The following FBRSL1 variants were observed in gnomAD, a reference collection of about 807,000 sequenced individuals.
The protein encoded by FBRSL1 is fibrosin-1-like protein.
A neutral mutation model predicts 89.6 loss-of-function variants in FBRSL1; 51 were observed. The ratio of observed to expected loss-of-function variants is 0.57; its 90% CI spans 0.45 to 0.72. The LOEUF is 0.72. FBRSL1 is among the 30% of genes least tolerant of loss of function. FBRSL1 has a pLI of 0.00. For missense variants in FBRSL1, 1,618 were observed against 1,451.8 expected, an observed-to-expected ratio of 1.11 and a Z score of -1.86; for synonymous variants, 779 against 681.1, an observed-to-expected ratio of 1.14 and a Z score of -2.24.
chr12:132,520,999 TTGCCC>T (rs775237982), intron 2 of FBRSL1, among the ~76,000 whole-genome samples: 117 of 152,208 alleles, frequency 7.7e-4, no homozygotes, highest in Admixed American at 3.3e-3. Flanking sequence ...CACTCCCTCT[TTGCCC>T]TGCCCTGCCC....
chr12:132,509,773 C>T, intron 2 of FBRSL1: 1 of 1,231,264 alleles, frequency 8.1e-7, no homozygotes, highest in Non-Finnish European at 1.0e-6. Context: ...GGTAGGGCAT[C>T]CTCAGGACAG....
At chr12:132,529,121 G>T (rs1194634991) in intron 4 of FBRSL1, among the ~76,000 whole-genome samples, 1 of 152,180 alleles carries the variant, frequency 6.6e-6, no homozygotes, top group East Asian at 1.9e-4. Flanking sequence ...CTCGTGGGAG[G>T]GTGGGGGCCT....
chr12:132,583,373 CG>C lies in FBRSL1; in HGVS notation c.2605del (p.Ala869ProfsTer92). The C allele has an allele frequency of 9.1e-7, 1 of 1,099,822 alleles. No homozygotes were observed. Among genetic ancestry groups the C allele is most frequent in the South Asian group, 3.0e-5 (1 of 33,418 alleles). 68.1% of individuals were successfully genotyped at this position (1,099,822 alleles called of 1,614,324 possible). On this transcript the variant is annotated frameshift_variant, in exon 19 of 19. Coordinates refer to ENST00000680143, the MANE Select transcript of FBRSL1 (RefSeq NM_001367871.1). LOFTEE classifies it high-confidence loss of function. The stretch of plus-strand genomic sequence containing the variant: ...TGCCACGTCGCGCCTTCCCCGCTGC[CG>C]CCCCCGCCCCGGGCTCCGCCGCCCT... Reference protein sequence around the residue: ...ELPRRAFPAAAPAPGSAALLE... With the variant: ...ELPRRAFPAAXPAPGSAALLE...
chr12:132,506,012 C>T (rs955239909), intron 1 of FBRSL1, among the ~76,000 whole-genome samples: 1 of 152,210 alleles, frequency 6.6e-6, no homozygotes, highest in Admixed American at 6.5e-5. Flanking sequence ...CGCCTGGAGC[C>T]GGAGATGTCG....
intron 1 of FBRSL1, among the ~76,000 whole-genome samples, chr12:132,491,150 G>A (rs2030855625): frequency 1.3e-5 from 2 of 152,242 alleles, no homozygotes; most frequent in Non-Finnish European, 2.9e-5. Flanking sequence ...AGCACCGTCG[G>A]CCTTTTATCA....
chr12:132,567,596 A>G, intron 6 of FBRSL1, 70 bp downstream of exon 6: 1 of 1,464,334 alleles, frequency 6.8e-7, no homozygotes, highest in Non-Finnish European at 9.4e-7. Context: ...TCTTGGCGGC[A>G]GGACATCCCC....
At chr12:132,549,122 AG>A (rs1386307019) in intron 5 of FBRSL1, among the ~76,000 whole-genome samples, 2 of 152,156 alleles carry the variant, frequency 1.3e-5, no homozygotes, top group Non-Finnish European at 2.9e-5. Context: ...CGACGTACCA[AG>A]AAGTCAAGGT....
Position 132,507,728 on chromosome 12 carries a change from G to T in FBRSL1, c.292-425G>T, listed in dbSNP as rs557151675. Among the ~76,000 whole-genome samples, 7 of 152,182 alleles carry T rather than the reference G, an allele frequency of 4.6e-5. No individual in the cohort carries two copies. The East Asian group carries it at 1.4e-3, about 29-fold the overall frequency. On this transcript the variant is annotated intron_variant, in intron 1 of 18. Coordinates refer to ENST00000680143, the MANE Select transcript of FBRSL1 (RefSeq NM_001367871.1). ...CACTTCCTGTGGGCTGTCACCTGGGGGAGCACTTCTTGTGGGGCCTGGGTG... is the reference window on the plus strand; with the variant it reads ...CACTTCCTGTGGGCTGTCACCTGGGTGAGCACTTCTTGTGGGGCCTGGGTG...
At position 132,501,619 on chromosome 12, in the gene FBRSL1, C is replaced by T. The variant is rs1231587500; in HGVS notation, c.292-6534C>T. 3.9e-5 allele frequency among the ~76,000 whole-genome samples: 6 copies of T among 152,118 alleles called. No homozygotes were observed. In the East Asian group the frequency reaches 1.2e-3, roughly 29 times the overall value. Reference sequence around the variant, plus strand: ...CTGAGCCTGCCTTCCGCTCGGGGCCCAAGGCCTTGGACAGGAGTGAGAGGG... The same window carrying T: ...CTGAGCCTGCCTTCCGCTCGGGGCCTAAGGCCTTGGACAGGAGTGAGAGGG... On this transcript the variant is annotated intron_variant, in intron 1 of 18. Transcript: ENST00000680143.
intron 4 of FBRSL1, among the ~76,000 whole-genome samples, chr12:132,541,466 G>A (rs115246244): frequency 0.013 from 2,016 of 152,304 alleles, 42 homozygotes; most frequent in African/African-American, 0.045. Context: ...GCCCAGCTGC[G>A]TGGGGTGAGT....
chr12:132,523,791 C>T (rs999928259), intron 2 of FBRSL1, among the ~76,000 whole-genome samples: 2 of 152,222 alleles, frequency 1.3e-5, no homozygotes, highest in Non-Finnish European at 2.9e-5. Context: ...TCATTCCTTG[C>T]AGGCTCTGGG....
intron 1 of FBRSL1, among the ~76,000 whole-genome samples, chr12:132,502,152 G>A (rs1299805453): frequency 1.3e-5 from 2 of 152,198 alleles, no homozygotes; most frequent in African/African-American, 4.8e-5. Context: ...ACCTGCGGCA[G>A]CCCCGCATTT....
intron 2 of FBRSL1, among the ~76,000 whole-genome samples, chr12:132,520,677 C>T (rs565664765): frequency 2.6e-4 from 39 of 152,324 alleles, no homozygotes; most frequent in African/African-American, 8.4e-4. Context: ...GCCTGCAAGT[C>T]CCTGTGGCCT....
intron 2 of FBRSL1, chr12:132,511,306 C>G (rs1025911809): frequency 1.0e-6 from 1 of 985,580 alleles, no homozygotes; most frequent in Non-Finnish European, 1.2e-6. Flanking sequence ...TCCCGGCTTC[C>G]CCACAGTCCC....
intron 2 of FBRSL1, chr12:132,509,187 C>T: frequency 8.0e-7 from 1 of 1,246,136 alleles, no homozygotes; most frequent in Non-Finnish European, 1.0e-6. Flanking sequence ...AGAAGGGGGG[C>T]CGCTCCCAGC....
In FBRSL1 at chr12:132,490,257, C is replaced by T. The variant is rs1471847026; in HGVS notation, c.-314C>T. ...TGCCGCGCCCGCCCGGCCCCGCCCG[C>T]TCGGCCCGATCGCCGCGCCGCGCGC... On this transcript the variant is annotated 5_prime_UTR_variant, in exon 1 of 19. Transcript: ENST00000680143. The T allele has an allele frequency of 6.9e-6, 1 of 144,020 alleles. No homozygotes were observed. Among genetic ancestry groups the T allele is most frequent in the Non-Finnish European group, 1.5e-5 (1 of 64,948 alleles). The allele number at this position is 144,020 out of a possible 1,614,324, so 8.9% of individuals were successfully genotyped here. A position where few individuals can be genotyped will look rare whatever the true frequency, so the allele number is the denominator to read the frequency against.
intron 10 of FBRSL1, 55 bp downstream of exon 10, chr12:132,572,399 C>G: frequency 6.5e-7 from 1 of 1,538,396 alleles, no homozygotes; most frequent in Non-Finnish European, 8.8e-7. Context: ...GTCCTGGCCA[C>G]GGGGCGGTGG....
intron 5 of FBRSL1, chr12:132,551,898 G>A (rs948449665): frequency 2.8e-5 from 8 of 289,138 alleles, no homozygotes; most frequent in African/African-American, 1.7e-4. Context: ...TGGTGGCCTC[G>A]CTCCTCCTGC....
At chr12:132,572,737 T>C in intron 11 of FBRSL1, 115 bp downstream of exon 11, 1 of 755,756 alleles carries the variant, frequency 1.3e-6, no homozygotes, top group East Asian at 2.7e-5. Context: ...CCCTCCCTTG[T>C]ACCTGTCGTC....
Sources: allele counts gnomAD v4.1 joint callset (sites outside exome capture counted in the v4.1 genomes callset), GRCh38; gene constraint gnomAD v4.1.1; transcripts MANE v1.5; gene names NCBI Gene and HGNC (gene_info 2026-07-23, HGNC 2026-07-21).